DIAPH2: variants seen among roughly 807,000 people sequenced by gnomAD.
DIAPH2 encodes the protein diaphanous related formin 2, also known as protein diaphanous homolog 2.
DIAPH2 carries 35 observed loss-of-function variants against 92.7 expected under a neutral mutation model. The ratio of observed to expected loss-of-function variants is 0.38; its 90% confidence interval spans 0.29 to 0.50. The LOEUF (loss-of-function observed/expected upper bound fraction) is 0.50, where lower values mean the gene tolerates loss of function less well. Among genes scored for constraint, DIAPH2 ranks in the 20% least tolerant of loss-of-function variants. DIAPH2 has a pLI of 0.94. For missense variants in DIAPH2, 701 were observed against 819.5 expected (o/e 0.86, Z 1.77); for synonymous variants, 301 against 280.4 (o/e 1.07, Z -0.73).
At chrX:97,202,207 C>T (rs960641156) in intron 22 of DIAPH2, among the ~76,000 whole-genome samples, 3 of 111,932 alleles carry the variant, frequency 2.7e-5, no homozygotes, top group Admixed American at 9.5e-5. Context: ...ACTACAAAAA[C>T]GTACCAAAAT....
chrX:97,035,710 G>C (rs1402970095), intron 17 of DIAPH2, among the ~76,000 whole-genome samples: 1 of 111,545 alleles, frequency 9.0e-6, no homozygotes, highest in African/African-American at 3.3e-5. Flanking sequence ...GCAGGATTTA[G>C]AGAAAGAATG....
At chrX:97,248,242 T>C (rs1177516447) in intron 23 of DIAPH2, among the ~76,000 whole-genome samples, 1 of 111,325 alleles carries the variant, frequency 9.0e-6, no homozygotes, top group Non-Finnish European at 1.9e-5. Context: ...AGGGCATGTG[T>C]GCATTTTCAA....
intron 4 of DIAPH2, among the ~76,000 whole-genome samples, chrX:96,837,901 T>C (rs959728224): frequency 6.3e-5 from 7 of 111,782 alleles, no homozygotes; most frequent in Non-Finnish European, 1.3e-4. Flanking sequence ...ATGCCGCTAC[T>C]CTTATAGATG....
chrX:96,930,240 C>T (rs920018728), intron 9 of DIAPH2, among the ~76,000 whole-genome samples: 30 of 110,163 alleles, frequency 2.7e-4, no homozygotes, highest in Non-Finnish European at 4.6e-4. Context: ...CAAATCATCC[C>T]ATTAAGAGGA....
At chrX:97,078,051 C>T (rs1419452788) in intron 19 of DIAPH2, among the ~76,000 whole-genome samples, 10 of 111,449 alleles carry the variant, frequency 9.0e-5, no homozygotes, top group Non-Finnish European at 1.7e-4. Context: ...TCAGTCAGTG[C>T]TTTTTAGGAT....
At chrX:97,335,553 C>T (rs992260903) in intron 23 of DIAPH2, among the ~76,000 whole-genome samples, 1 of 111,582 alleles carries the variant, frequency 9.0e-6, no homozygotes, top group Non-Finnish European at 1.9e-5. Flanking sequence ...TCCTGTATTC[C>T]GGTAAACACA....
chrX:97,357,765 G>C (rs1393920177), intron 24 of DIAPH2, among the ~76,000 whole-genome samples: 1 of 111,928 alleles, frequency 8.9e-6, no homozygotes. Flanking sequence ...TCACATTCTA[G>C]TGGGAAAGGC....
chrX:97,538,585 A>C (rs1281352082), intron 26 of DIAPH2, among the ~76,000 whole-genome samples: 1 of 111,992 alleles, frequency 8.9e-6, no homozygotes, highest in East Asian at 2.8e-4. Context: ...TTTAGGAAAA[A>C]AAAATTTGTT....
intron 26 of DIAPH2, among the ~76,000 whole-genome samples, chrX:97,465,060 T>C (rs1174547869): frequency 9.0e-6 from 1 of 111,108 alleles, no homozygotes; most frequent in Non-Finnish European, 1.9e-5. Context: ...TTGGTCAGGC[T>C]GGTCTCGAAC....
chrX:97,391,152 A>G (rs765461907), intron 25 of DIAPH2, among the ~76,000 whole-genome samples: 8 of 111,631 alleles, frequency 7.2e-5, no homozygotes, highest in African/African-American at 2.3e-4. Flanking sequence ...GGAAAGAAAG[A>G]GTAAGAATAA....
intron 19 of DIAPH2, among the ~76,000 whole-genome samples, chrX:97,082,501 G>A (rs1331143913): frequency 1.8e-5 from 2 of 108,593 alleles, no homozygotes; most frequent in Non-Finnish European, 3.8e-5. Context: ...GTGTGGGGGC[G>A]CACGCCTATA....
At chrX:96,784,491 C>T (rs1354244464) in intron 4 of DIAPH2, among the ~76,000 whole-genome samples, 1 of 110,686 alleles carries the variant, frequency 9.0e-6, no homozygotes, top group Non-Finnish European at 1.9e-5. Context: ...TTCTCAAACC[C>T]ATGTAAAAAC....
chrX:97,201,141 C>CCCA (rs1556000971), intron 22 of DIAPH2, among the ~76,000 whole-genome samples: 63 of 92,286 alleles, frequency 6.8e-4, no homozygotes, highest in East Asian at 2.1e-3. Flanking sequence ...ACCCCCCCCC[C>CCCA]AAAAAAAACC....
intron 26 of DIAPH2, among the ~76,000 whole-genome samples, chrX:97,440,148 G>A (rs768212087): frequency 3.6e-5 from 4 of 111,578 alleles, no homozygotes; most frequent in Non-Finnish European, 5.6e-5. Flanking sequence ...AAATACCCAC[G>A]TCCAGTTCCT....
intron 1 of DIAPH2, among the ~76,000 whole-genome samples, chrX:96,698,896 T>C (rs2063839252): frequency 9.9e-6 from 1 of 100,832 alleles, no homozygotes; most frequent in African/African-American, 3.6e-5. Flanking sequence ...CCCCACTAAA[T>C]TTTTTTTTTT....
At chrX:96,885,222 GCTGCTTTTCTAA>G in intron 5 of DIAPH2, 1 of 558,003 alleles carries the variant, frequency 1.8e-6, no homozygotes, top group East Asian at 3.5e-5. Flanking sequence ...TTGTCAACTC[GCTGCTTTTCTAA>G]CTGCTTTGAA....
chrX:97,357,833 G>C (rs970294623), intron 24 of DIAPH2, among the ~76,000 whole-genome samples: 2 of 112,063 alleles, frequency 1.8e-5, no homozygotes, highest in Non-Finnish European at 3.8e-5. Flanking sequence ...GAGCTTGTAA[G>C]CACAGAGCAG....
Position 97,596,606 on chromosome X carries a change from T to C in DIAPH2, c.3242-2647T>C, listed in dbSNP as rs148366509. ...ATGAGCACCCAGTTTCTCCACCTGTTTCCAAAGAGGACATACAATCATGGC... is the reference window on the plus strand; with the variant it reads ...ATGAGCACCCAGTTTCTCCACCTGTCTCCAAAGAGGACATACAATCATGGC... On this transcript the variant is annotated intron_variant, in intron 26 of 26. Coordinates refer to ENST00000324765, the MANE Select transcript of DIAPH2 (RefSeq NM_006729.5). Among the ~76,000 whole-genome samples the C allele has an allele frequency of 5.5e-3, 614 of 111,511 alleles. 3 individuals are homozygous for C. The highest frequency in any genetic ancestry group is 0.019 in the African/African-American group (590 of 30,673).
At chrX:96,763,980 T>C (rs1378758594) in intron 4 of DIAPH2, among the ~76,000 whole-genome samples, 1 of 109,990 alleles carries the variant, frequency 9.1e-6, no homozygotes, top group Non-Finnish European at 1.9e-5. Flanking sequence ...CTTTTTTTTT[T>C]TTTTAAATTC....
Sources: allele counts gnomAD v4.1 joint callset (sites outside exome capture counted in the v4.1 genomes callset), GRCh38; gene constraint gnomAD v4.1.1; transcripts MANE v1.5; gene names NCBI Gene and HGNC (gene_info 2026-07-23, HGNC 2026-07-21).